The following ACER3 variants were observed in gnomAD, a reference collection of about 807,000 sequenced individuals.
ACER3 encodes the protein alkCDase 3.
ACER3 carries 16 observed loss-of-function variants against 48.9 expected under a neutral mutation model. That is an observed-to-expected ratio of 0.33 (90% confidence interval 0.22 to 0.50). The LOEUF (loss-of-function observed/expected upper bound fraction) is 0.50. Among genes scored for constraint, ACER3 ranks in the 20% least tolerant of loss-of-function variants. The pLI is 0.98. For missense variants in ACER3, 227 were observed against 326.0 expected (o/e 0.70, Z 2.34); for synonymous variants, 109 against 107.8 (o/e 1.01, Z -0.07).
intron 3 of ACER3, among the ~76,000 whole-genome samples, chr11:76,963,475 T>C (rs1195843851): frequency 1.1e-5 from 1 of 92,550 alleles, no homozygotes; most frequent in Non-Finnish European, 3.2e-5. Flanking sequence ...GATAACACAT[T>C]AGACAACGAG....
intron 2 of ACER3, chr11:76,958,754 G>A (rs1196978202): frequency 1.8e-6 from 1 of 547,252 alleles, no homozygotes; most frequent in Non-Finnish European, 3.3e-6. Flanking sequence ...AGTCTAGTAA[G>A]TCACTTAGTA....
intron 1 of ACER3, among the ~76,000 whole-genome samples, chr11:76,914,064 A>G (rs1554998886): frequency 6.6e-6 from 1 of 152,234 alleles, no homozygotes; most frequent in Non-Finnish European, 1.5e-5. Flanking sequence ...TGGATCAAAG[A>G]CTTAAATGTT....
chr11:76,969,695 A>G (rs1220743480), intron 3 of ACER3, among the ~76,000 whole-genome samples: 2 of 150,932 alleles, frequency 1.3e-5, no homozygotes, highest in Non-Finnish European at 2.9e-5. Context: ...TATCACAAGG[A>G]CAAAAAACCA....
At chr11:76,862,282 T>G in intron 1 of ACER3, among the ~76,000 whole-genome samples, 1 of 76,872 alleles carries the variant, frequency 1.3e-5, no homozygotes, top group African/African-American at 4.9e-5. Flanking sequence ...ATTGGCTAAG[T>G]TTCAAAAAAA....
chr11:76,913,344 A>G (rs1289457774), intron 1 of ACER3, among the ~76,000 whole-genome samples: 1 of 152,076 alleles, frequency 6.6e-6, no homozygotes, highest in Non-Finnish European at 1.5e-5. Flanking sequence ...CTCTTTTCCT[A>G]ATTGAATACC....
intron 7 of ACER3, among the ~76,000 whole-genome samples, chr11:77,011,055 G>T (rs1236545347): frequency 1.3e-5 from 2 of 152,208 alleles, no homozygotes; most frequent in African/African-American, 4.8e-5. Context: ...ATGAAAGAGA[G>T]AGGTGAAGGC....
intron 1 of ACER3, among the ~76,000 whole-genome samples, chr11:76,922,806 G>A (rs564959702): frequency 2.4e-4 from 37 of 151,832 alleles, no homozygotes; most frequent in Non-Finnish European, 4.7e-4. Context: ...TTTTTAATAG[G>A]GACAACAATA....
At chr11:76,927,923 G>A (rs370690248) in intron 2 of ACER3, among the ~76,000 whole-genome samples, 10 of 151,996 alleles carry the variant, frequency 6.6e-5, no homozygotes, top group East Asian at 1.9e-4. Flanking sequence ...ATAAACATAC[G>A]TGTGCATGTG....
In ACER3 at chr11:77,005,992, T is replaced by TATACGTATATATATA. The variant is rs1491403985; in HGVS notation, c.497+7171_497+7172insATACGTATATATATA. Among the ~76,000 whole-genome samples the TATACGTATATATATA allele has an allele frequency of 6.9e-4, 49 of 70,568 alleles. 1 individual carries two copies. The East Asian group carries it at 7.8e-3, about 11-fold the overall frequency. 46.3% of individuals were successfully genotyped at this position (70,568 alleles called of 152,430 possible). ...ATATACATATATATATATATATATA[T>TATACGTATATATATA]TTTTTTTTTTTTTTGAGCCAGAGTT... On this transcript the variant is annotated intron_variant, in intron 7 of 10. Coordinates refer to ENST00000532485, the MANE Select transcript of ACER3 (RefSeq NM_018367.7).
intron 3 of ACER3, among the ~76,000 whole-genome samples, chr11:76,969,905 C>A (rs1393141686): frequency 4.6e-5 from 7 of 151,244 alleles, no homozygotes; most frequent in Non-Finnish European, 8.8e-5. Flanking sequence ...TGTAACAAAC[C>A]TGCATATTGT....
intron 1 of ACER3, among the ~76,000 whole-genome samples, chr11:76,903,179 T>C (rs981830160): frequency 2.6e-5 from 4 of 152,150 alleles, no homozygotes; most frequent in African/African-American, 9.7e-5. Flanking sequence ...AATATATTTA[T>C]TGAAAAAAAT....
intron 3 of ACER3, among the ~76,000 whole-genome samples, chr11:76,972,063 A>G (rs1948321180): frequency 6.6e-6 from 1 of 152,234 alleles, no homozygotes; most frequent in African/African-American, 2.4e-5. Flanking sequence ...TATCAAAGAA[A>G]TATATTTGGG....
chr11:77,010,106 T>C (rs563009802), intron 7 of ACER3, among the ~76,000 whole-genome samples: 2 of 151,696 alleles, frequency 1.3e-5, no homozygotes, highest in South Asian at 4.2e-4. Flanking sequence ...GTAGGAAAAA[T>C]GACTCCCCTA....
rs1555025772 is a variant in ACER3 at position 77,026,526 on chromosome 11, C to T, written c.*6199C>T. The T allele has an allele frequency of 6.6e-6, 1 of 152,192 alleles. No homozygotes were observed. The highest frequency in any genetic ancestry group is 2.4e-5 in the African/African-American group (1 of 41,450). The allele number at this position is 152,192 out of a possible 1,614,324, so 9.4% of individuals were successfully genotyped here. A position where few individuals can be genotyped will look rare whatever the true frequency, so the allele number is the denominator to read the frequency against. ...ACTGTTCAAGCTAATACAGCATTTCCTAACTTCATAGTTGTCGCAGATGTT... is the reference window on the plus strand; with the variant it reads ...ACTGTTCAAGCTAATACAGCATTTCTTAACTTCATAGTTGTCGCAGATGTT... On this transcript the variant is annotated 3_prime_UTR_variant, in exon 11 of 11. Transcript: ENST00000532485.
chr11:77,010,466 C>T (rs1175957870), intron 7 of ACER3, among the ~76,000 whole-genome samples: 1 of 146,790 alleles, frequency 6.8e-6, no homozygotes, highest in Non-Finnish European at 1.5e-5. Context: ...ATAGAATAGA[C>T]TCAATAGAAA....
At chr11:76,945,422 T>C (rs1357392899) in intron 2 of ACER3, among the ~76,000 whole-genome samples, 1 of 152,164 alleles carries the variant, frequency 6.6e-6, no homozygotes, top group Non-Finnish European at 1.5e-5. Context: ...TGCTTTGGCT[T>C]TGATTTTGGG....
At chr11:76,892,032 G>A (rs561176581) in intron 1 of ACER3, among the ~76,000 whole-genome samples, 3 of 151,870 alleles carry the variant, frequency 2.0e-5, no homozygotes, top group Admixed American at 6.6e-5. Context: ...TTTGTCCTTT[G>A]CTTTTTCAGC....
intron 7 of ACER3, among the ~76,000 whole-genome samples, chr11:77,003,065 A>T (rs958406856): frequency 1.3e-5 from 2 of 152,216 alleles, no homozygotes; most frequent in Non-Finnish European, 2.9e-5. Context: ...CAACAATGTG[A>T]ATGTACTTAA....
At chr11:76,913,334 C>A (rs1279950224) in intron 1 of ACER3, among the ~76,000 whole-genome samples, 1 of 152,086 alleles carries the variant, frequency 6.6e-6, no homozygotes, top group Non-Finnish European at 1.5e-5. Flanking sequence ...ATTTGACTTC[C>A]TCTTTTCCTA....
Sources: allele counts gnomAD v4.1 joint callset (sites outside exome capture counted in the v4.1 genomes callset), GRCh38; gene constraint gnomAD v4.1.1; transcripts MANE v1.5; gene names NCBI Gene and HGNC (gene_info 2026-07-23, HGNC 2026-07-21).